The following CEP57L1 variants were observed in gnomAD, a reference collection of about 807,000 sequenced individuals.
CEP57L1 encodes centrosomal protein 57 like 1.
Under a neutral mutation model 61.0 loss-of-function variants are expected in CEP57L1, and 37 were observed. The ratio of observed to expected loss-of-function variants is 0.61; its 90% CI spans 0.47 to 0.80. The LOEUF (loss-of-function observed/expected upper bound fraction) is 0.80. CEP57L1 is among the 30% of genes least tolerant of loss of function. CEP57L1 has a pLI of 0.00. For missense variants in CEP57L1, 422 were observed against 524.7 expected (o/e 0.80, Z 1.91); for synonymous variants, 137 against 162.3 (o/e 0.84, Z 1.19).
At chr6:109,116,134 GTTA>G (rs1562512191) in intron 1 of CEP57L1, among the ~76,000 whole-genome samples, 1,671 of 101,438 alleles carry the variant, frequency 0.016, 27 homozygotes, top group African/African-American at 0.059. Context: ...GTTGTGTTAT[GTTA>G]TGTTATGTTA....
intron 10 of CEP57L1, among the ~76,000 whole-genome samples, chr6:109,162,291 A>G (rs147294815): frequency 2.6e-5 from 4 of 152,106 alleles, no homozygotes; most frequent in Admixed American, 6.5e-5. Flanking sequence ...CCTAGAACCA[A>G]TTATTTGCTT....
chr6:109,108,726 C>T (rs556794473), intron 1 of CEP57L1, among the ~76,000 whole-genome samples: 3 of 152,242 alleles, frequency 2.0e-5, no homozygotes, highest in Admixed American at 2.0e-4. Context: ...CATTTATGAG[C>T]CCTCCTTATT....
chr6:109,118,904 A>C (rs1772622348), intron 1 of CEP57L1, among the ~76,000 whole-genome samples: 2 of 152,230 alleles, frequency 1.3e-5, no homozygotes, highest in Non-Finnish European at 2.9e-5. Flanking sequence ...AAAGATGAAT[A>C]AGACTTTGAT....
At position 109,166,275 on chromosome 6, in the gene CEP57L1, G is replaced by A. The variant is rs1477184944; in HGVS notation, c.*3305G>A. On this transcript the variant is annotated 3_prime_UTR_variant, in exon 11 of 11. Coordinates refer to ENST00000517392, the MANE Select transcript of CEP57L1 (RefSeq NM_001271852.3). ...TAATGTACTTGAAAATTATTTTTGA[G>A]CTTTTTTGGTAGCTTTCTTACTTTA... Among the ~76,000 whole-genome samples, 4 of 151,904 alleles carry A rather than the reference G, an allele frequency of 2.6e-5. No homozygotes were observed. Among genetic ancestry groups the A allele is most frequent in the Admixed American group, 2.6e-4 (4 of 15,214 alleles).
intron 1 of CEP57L1, among the ~76,000 whole-genome samples, chr6:109,134,540 A>G (rs1366901845): frequency 2.0e-5 from 3 of 152,200 alleles, no homozygotes; most frequent in African/African-American, 7.2e-5. Flanking sequence ...CCTATTCAAC[A>G]TAGTATTGGA....
chr6:109,137,193 C>T (rs1432834442), intron 1 of CEP57L1, among the ~76,000 whole-genome samples: 3 of 151,868 alleles, frequency 2.0e-5, no homozygotes, highest in African/African-American at 4.8e-5. Context: ...ATTTAAGATG[C>T]GTATTTTCAT....
At chr6:109,114,275 T>C (rs1240168862) in intron 1 of CEP57L1, among the ~76,000 whole-genome samples, 1 of 152,174 alleles carries the variant, frequency 6.6e-6, no homozygotes, top group Admixed American at 6.5e-5. Flanking sequence ...TGATATCTCA[T>C]TGTGGTTTTA....
At chr6:109,147,673 G>A (rs1772114987) in intron 3 of CEP57L1, among the ~76,000 whole-genome samples, 3 of 152,158 alleles carry the variant, frequency 2.0e-5, no homozygotes, top group Admixed American at 2.0e-4. Context: ...GAAATAGGTT[G>A]CTTTCTGCTG....
At position 109,171,346 on chromosome 6, in the gene CEP57L1, C is replaced by A. The variant is rs1213843161; in HGVS notation, c.*8376C>A. ...CTCCGCCTCCCAGGTTCAAGCGATT[C>A]TTCTGCCTCAGCCTCCCAAGTAGCT... is the stretch of plus-strand genomic sequence containing the variant. On this transcript the variant is annotated 3_prime_UTR_variant, in exon 11 of 11. Coordinates refer to ENST00000517392, the MANE Select transcript of CEP57L1 (RefSeq NM_001271852.3). 6.6e-6 allele frequency among the ~76,000 whole-genome samples: 1 copy of A among 151,522 alleles called. No individual in the cohort carries two copies. The highest frequency in any genetic ancestry group is 1.5e-5 in the Non-Finnish European group (1 of 67,956).
intron 3 of CEP57L1, among the ~76,000 whole-genome samples, chr6:109,149,903 T>A (rs1342179044): frequency 2.0e-5 from 3 of 152,322 alleles, no homozygotes; most frequent in Middle Eastern, 3.4e-3. Flanking sequence ...AGTTCACTCA[T>A]GATTTGGCTC....
At chr6:109,114,438 G>T (rs1338955885) in intron 1 of CEP57L1, among the ~76,000 whole-genome samples, 1 of 151,546 alleles carries the variant, frequency 6.6e-6, no homozygotes, top group Admixed American at 6.6e-5. Context: ...TGAGTTTTTT[G>T]TATATTTTGG....
At chr6:109,139,209 A>T (rs1771073388) in intron 1 of CEP57L1, among the ~76,000 whole-genome samples, 1 of 152,222 alleles carries the variant, frequency 6.6e-6, no homozygotes, top group African/African-American at 2.4e-5. Flanking sequence ...GATGATTCAC[A>T]TCCTGGGCAG....
Position 109,167,293 on chromosome 6 carries a change from T to G in CEP57L1, c.*4323T>G, listed in dbSNP as rs1398292683. On this transcript the variant is annotated 3_prime_UTR_variant, in exon 11 of 11. Coordinates refer to ENST00000517392, the MANE Select transcript of CEP57L1 (RefSeq NM_001271852.3). ...TGTCTGGGCCAGAGTTTGTTGTTAC[T>G]TTTGCTGTAGATTGTTTACTTAAAG... 1.3e-5 allele frequency among the ~76,000 whole-genome samples: 2 copies of G among 152,150 alleles called. No individual in the cohort carries two copies. Among genetic ancestry groups the G allele is most frequent in the Non-Finnish European group, 2.9e-5 (2 of 68,036 alleles).
Position 109,172,030 on chromosome 6 carries a change from C to A in CEP57L1, c.*9060C>A, listed in dbSNP as rs1348302369. ...GAGGGACTCACAGAACTCAGAAAAG[C>A]TGTTAAGTTATGGTTATGGTATATT... On this transcript the variant is annotated 3_prime_UTR_variant, in exon 11 of 11. Coordinates refer to ENST00000517392, the MANE Select transcript of CEP57L1 (RefSeq NM_001271852.3). Among the ~76,000 whole-genome samples the A allele has an allele frequency of 6.6e-6, 1 of 151,952 alleles. No homozygotes were observed. Among genetic ancestry groups the A allele is most frequent in the African/African-American group, 2.4e-5 (1 of 41,360 alleles).
intron 4 of CEP57L1, among the ~76,000 whole-genome samples, chr6:109,150,752 C>T (rs1772526894): frequency 1.3e-5 from 2 of 151,444 alleles, no homozygotes; most frequent in Admixed American, 1.3e-4. Context: ...GCTGACTTCT[C>T]AACTCAAAGT....
At chr6:109,146,372 C>T (rs1771958921) in intron 2 of CEP57L1, among the ~76,000 whole-genome samples, 2 of 151,810 alleles carry the variant, frequency 1.3e-5, no homozygotes, top group African/African-American at 4.8e-5. Flanking sequence ...AACTTTAAAC[C>T]TAAATTGCCA....
intron 4 of CEP57L1, among the ~76,000 whole-genome samples, 160 bp downstream of exon 4, chr6:109,150,399 G>A (rs1772479571): frequency 6.6e-6 from 1 of 152,006 alleles, no homozygotes; most frequent in African/African-American, 2.4e-5. Context: ...AGGAAAATGG[G>A]GAAAAGCAAT....
At chr6:109,158,508 G>A (rs183936090) in intron 7 of CEP57L1, 30 of 394,152 alleles carry the variant, frequency 7.6e-5, no homozygotes, top group East Asian at 4.7e-4. Context: ...AGGATATTTC[G>A]ATTGTTTCCA....
chr6:109,155,177 T>G, intron 5 of CEP57L1, 53 bp from the exon 6 acceptor site: 6 of 1,117,064 alleles, frequency 5.4e-6, no homozygotes, highest in Non-Finnish European at 7.8e-6. Flanking sequence ...AAGAAACAAA[T>G]GATATTTGGC....
Sources: allele counts gnomAD v4.1 joint callset (sites outside exome capture counted in the v4.1 genomes callset), GRCh38; gene constraint gnomAD v4.1.1; transcripts MANE v1.5; gene names NCBI Gene and HGNC (gene_info 2026-07-23, HGNC 2026-07-21).